PNOC: variants seen among roughly 807,000 people sequenced by gnomAD.
PNOC encodes the protein nociceptin.
PNOC carries 10 observed loss-of-function variants against 15.6 expected under a neutral mutation model. That is an observed-to-expected ratio of 0.64 (90% CI 0.40 to 1.09). PNOC has a LOEUF of 1.09. Ranked by LOEUF, PNOC falls within the 50% of genes least tolerant of loss-of-function variation. PNOC has a pLI of 0.01. For missense variants in PNOC, 220 were observed against 223.9 expected, an observed-to-expected ratio of 0.98 and a Z score of 0.11; for synonymous variants, 98 against 88.5, an observed-to-expected ratio of 1.11 and a Z score of -0.60.
chr8:28,328,680 T>C (rs1193991675), intron 1 of PNOC, among the ~76,000 whole-genome samples: 1 of 152,326 alleles, frequency 6.6e-6, no homozygotes, highest in African/African-American at 2.4e-5. Flanking sequence ...AATAGGCCTG[T>C]GATAAGGCAG....
chr8:28,337,453 C>T (rs1359145000), intron 2 of PNOC, among the ~76,000 whole-genome samples: 1 of 152,212 alleles, frequency 6.6e-6, no homozygotes, highest in Non-Finnish European at 1.5e-5. Context: ...GCAGCCATCA[C>T]CACACCCGTC....
intron 1 of PNOC, among the ~76,000 whole-genome samples, chr8:28,320,748 G>T (rs1216196275): frequency 1.3e-5 from 2 of 151,840 alleles, no homozygotes; most frequent in African/African-American, 4.8e-5. Context: ...CTACTCGGGA[G>T]GCTGAGGCAG....
At chr8:28,341,924 G>T (rs1444367994) in intron 3 of PNOC, among the ~76,000 whole-genome samples, 1 of 152,150 alleles carries the variant, frequency 6.6e-6, no homozygotes, top group Non-Finnish European at 1.5e-5. Flanking sequence ...TACACATGAT[G>T]GAGATGTCTC....
At chr8:28,331,481 T>G (rs1180322959) in intron 2 of PNOC, among the ~76,000 whole-genome samples, 3 of 152,012 alleles carry the variant, frequency 2.0e-5, no homozygotes, top group Non-Finnish European at 4.4e-5. Context: ...GCTTTTCACC[T>G]CCCTCTGAGA....
chr8:28,330,235 CG>C (rs1449332895), intron 2 of PNOC, among the ~76,000 whole-genome samples: 3 of 151,956 alleles, frequency 2.0e-5, no homozygotes, highest in Admixed American at 6.6e-5. Context: ...CATGAGCCAC[CG>C]TGCCCCTCCG....
chr8:28,324,204 G>A (rs1052006724), intron 1 of PNOC, among the ~76,000 whole-genome samples: 1 of 152,176 alleles, frequency 6.6e-6, no homozygotes, highest in Non-Finnish European at 1.5e-5. Context: ...CATGTACTAC[G>A]TGTCCCAGAA....
At chr8:28,342,830 G>A (rs1801547036) in intron 3 of PNOC, 112 bp from the exon 4 acceptor site, 1 of 247,312 alleles carries the variant, frequency 4.0e-6, no homozygotes, top group Admixed American at 6.5e-5. Flanking sequence ...GATTTACTTG[G>A]GTTGATAGCT....
At chr8:28,337,574 A>G (rs1585839665) in intron 2 of PNOC, among the ~76,000 whole-genome samples, 2 of 136,246 alleles carry the variant, frequency 1.5e-5, no homozygotes, top group African/African-American at 5.3e-5. Flanking sequence ...TTCTGGGATT[A>G]CGTTTCCTTT....
chr8:28,338,363 C>A (rs1464426118), intron 2 of PNOC, among the ~76,000 whole-genome samples: 2 of 152,048 alleles, frequency 1.3e-5, no homozygotes, highest in African/African-American at 4.8e-5. Flanking sequence ...AGGAGCCGAG[C>A]GGGTCTGCTG....
intron 3 of PNOC, among the ~76,000 whole-genome samples, chr8:28,342,268 G>A (rs751826290): frequency 2.3e-4 from 34 of 148,804 alleles, no homozygotes; most frequent in Admixed American, 9.6e-4. Flanking sequence ...CAGGAGAATC[G>A]CTTGAACCCA....
intron 2 of PNOC, chr8:28,338,527 A>C: frequency 1.1e-6 from 1 of 914,810 alleles, no homozygotes. Flanking sequence ...GCGGGATGAA[A>C]AATTAACAAC....
At chr8:28,330,400 T>TA (rs1431540071) in intron 2 of PNOC, among the ~76,000 whole-genome samples, 3,812 of 101,418 alleles carry the variant, frequency 0.038, 176 homozygotes, top group African/African-American at 0.11. Context: ...TATTTTATTT[T>TA]TTTTTTTTTT....
At chr8:28,340,253 T>C (rs779057195) in intron 3 of PNOC, 4 of 152,318 alleles carry the variant, frequency 2.6e-5, no homozygotes, top group Non-Finnish European at 5.9e-5. Flanking sequence ...CGTGCCATTT[T>C]TGTTTTGGTT....
At chr8:28,320,889 G>A (rs1031097508) in intron 1 of PNOC, among the ~76,000 whole-genome samples, 3 of 150,576 alleles carry the variant, frequency 2.0e-5, no homozygotes, top group Non-Finnish European at 4.4e-5. Context: ...TTTGAAGATT[G>A]TTGTCCTAGA....
At chr8:28,341,867 C>T (rs545505942) in intron 3 of PNOC, among the ~76,000 whole-genome samples, 25 of 152,282 alleles carry the variant, frequency 1.6e-4, no homozygotes, top group Admixed American at 5.9e-4. Context: ...CTATAACAGC[C>T]GGCTTCAACC....
intron 2 of PNOC, among the ~76,000 whole-genome samples, chr8:28,333,356 C>T (rs1291990704): frequency 6.6e-6 from 1 of 152,190 alleles, no homozygotes; most frequent in Non-Finnish European, 1.5e-5. Context: ...ACTCCAGATG[C>T]CCATACGCAT....
chr8:28,325,470 A>G (rs1300124152), intron 1 of PNOC, among the ~76,000 whole-genome samples: 4 of 152,000 alleles, frequency 2.6e-5, no homozygotes, highest in African/African-American at 7.3e-5. Context: ...CCTGGCCAAC[A>G]TGTGAAGCCC....
chr8:28,317,482 G>A (rs1801077694), intron 1 of PNOC, among the ~76,000 whole-genome samples, 166 bp downstream of exon 1: 1 of 152,034 alleles, frequency 6.6e-6, no homozygotes, highest in Admixed American at 6.5e-5. Flanking sequence ...CATCTCCTTT[G>A]TAGCGCTTGG....
chr8:28,321,034 T>G (rs1273231569), intron 1 of PNOC, among the ~76,000 whole-genome samples: 2 of 151,754 alleles, frequency 1.3e-5, no homozygotes, highest in Non-Finnish European at 2.9e-5. Context: ...AGGCAGGTCT[T>G]TTGTTGTTGT....
Sources: gnomAD v4.1 joint callset for allele counts (sites outside exome capture counted in the v4.1 genomes callset) on GRCh38, gnomAD v4.1.1 for gene constraint, MANE v1.5 for transcripts, NCBI Gene and HGNC (gene_info 2026-07-23, HGNC 2026-07-21) for gene names.